SPATA6: variants seen among roughly 807,000 people sequenced by gnomAD.
SPATA6 encodes the protein spermatogenesis-associated protein 6.
In SPATA6, 56 loss-of-function variants were observed where a neutral mutation model predicts 65.3. The ratio of observed to expected loss-of-function variants is 0.86; its 90% CI spans 0.69 to 1.07. SPATA6 has a LOEUF of 1.07. Ranked by LOEUF, SPATA6 falls within the 50% of genes least tolerant of loss-of-function variation. The pLI is 0.00. For synonymous variants in SPATA6, 199 were observed against 213.2 expected (o/e 0.93, Z 0.58); for missense variants, 590 against 594.8 (o/e 0.99, Z 0.08).
chr1:48,376,547 G>C (rs1255359498), intron 9 of SPATA6, among the ~76,000 whole-genome samples: 2 of 150,284 alleles, frequency 1.3e-5, no homozygotes, highest in Non-Finnish European at 3.0e-5. Flanking sequence ...AAAAAGCCTA[G>C]AGGTATTTTT....
chr1:48,462,029 T>C (rs1274565672), intron 1 of SPATA6, among the ~76,000 whole-genome samples: 1 of 152,036 alleles, frequency 6.6e-6, no homozygotes, highest in Non-Finnish European at 1.5e-5. Flanking sequence ...AAATGATGAG[T>C]TCATGTCCTT....
rs1254149000 is a variant in SPATA6 at position 48,453,650 on chromosome 1, A to G, written c.52-519T>C. Among the ~76,000 whole-genome samples the G allele has an allele frequency of 2.6e-5, 4 of 152,204 alleles. No individual in the cohort carries two copies. The East Asian group carries it at 7.7e-4, about 29-fold the overall frequency. Reference sequence around the variant, plus strand: ...TAATAAAATGAAAGTTTCTAGCCCAATAAAGTACTTTTTACTTTAACTTAT... The same window carrying G: ...TAATAAAATGAAAGTTTCTAGCCCAGTAAAGTACTTTTTACTTTAACTTAT... On this transcript the variant is annotated intron_variant, in intron 1 of 12. Coordinates refer to ENST00000371847, the MANE Select transcript of SPATA6 (RefSeq NM_019073.4).
the SPATA6 span, among the ~76,000 whole-genome samples, chr1:48,277,453 G>A: frequency 6.6e-6 from 1 of 151,480 alleles, no homozygotes; most frequent in Non-Finnish European, 1.5e-5. Context: ...GATGGCACCT[G>A]GAAAATTGGG....
chr1:48,360,027 G>C (rs576085845), intron 9 of SPATA6, among the ~76,000 whole-genome samples: 1 of 152,084 alleles, frequency 6.6e-6, no homozygotes, highest in Non-Finnish European at 1.5e-5. Context: ...AAAGGCTTTT[G>C]AGTAGTGGTG....
Position 48,437,271 on chromosome 1 carries a change from C to T in SPATA6, c.238+14281G>A, listed in dbSNP as rs546081384. Reference sequence around the variant, plus strand: ...CTATATACTTGACACTTTCTCCTTGCTGCTTTTTCTTCTGTATTTCTAGGT... The same window carrying T: ...CTATATACTTGACACTTTCTCCTTGTTGCTTTTTCTTCTGTATTTCTAGGT... On this transcript the variant is annotated intron_variant, in intron 3 of 12. Transcript: ENST00000371847. 5.0e-6 allele frequency: 8 copies of T among 1,584,234 alleles called. No individual in the cohort carries two copies. The East Asian group carries it at 1.8e-4, about 35-fold the overall frequency.
rs952934359 is a variant in SPATA6, at chr1:48,437,280, C to A, written c.238+14272G>T. Reference sequence around the variant, plus strand: ...TGACACTTTCTCCTTGCTGCTTTTTCTTCTGTATTTCTAGGTACAAATACG... The same window carrying A: ...TGACACTTTCTCCTTGCTGCTTTTTATTCTGTATTTCTAGGTACAAATACG... On this transcript the variant is annotated intron_variant, in intron 3 of 12. Coordinates refer to ENST00000371847, the MANE Select transcript of SPATA6 (RefSeq NM_019073.4). The A allele has an allele frequency of 8.9e-6, 14 of 1,573,320 alleles. No homozygotes were observed. In the Admixed American group the frequency reaches 9.1e-5, roughly 10 times the overall value.
At chr1:48,404,519 A>G (rs1651503488) in intron 5 of SPATA6, among the ~76,000 whole-genome samples, 1 of 151,938 alleles carries the variant, frequency 6.6e-6, no homozygotes, top group Non-Finnish European at 1.5e-5. Flanking sequence ...TTTTTTCATT[A>G]TTTTGTAGAT....
Position 48,355,741 on chromosome 1 carries a change from T to C in SPATA6, c.1123A>G (p.Asn375Asp), listed in dbSNP as rs976909496. 6 of 1,613,298 alleles carry C rather than the reference T, an allele frequency of 3.7e-6. No individual in the cohort carries two copies. Among genetic ancestry groups the C allele is most frequent in the Non-Finnish European group, 5.1e-6 (6 of 1,179,498 alleles). ...RFHSDWCSPS[N>D]CDEIHDRVKN... ...ACCCGGTCATGGATCTCATCGCAGTTTGAAGGTGAACACCAATCAGAATGA... is the reference window on the plus strand; with the variant it reads ...ACCCGGTCATGGATCTCATCGCAGTCTGAAGGTGAACACCAATCAGAATGA... Residue 375 changes from asparagine (N) to aspartate (D), a missense_variant, in exon 11 of 13, where the codon AAC becomes GAC. Transcript: ENST00000371847.
rs1254412223 is a variant in SPATA6, at chr1:48,453,261, GA to G, written c.52-131del. 2.4e-5 allele frequency: 25 copies of G among 1,028,298 alleles called. No homozygotes were observed. The Admixed American group carries it at 3.2e-4, about 13-fold the overall frequency. The allele number at this position is 1,028,298 out of a possible 1,614,324, so 63.7% of individuals were successfully genotyped here. ...CTAATAAAAAATACTCACAAATAAA[GA>G]GAGAGAGACAGAGACTAGTGTTTAC... On this transcript the variant is annotated intron_variant, in intron 1 of 12. Coordinates refer to ENST00000371847, the MANE Select transcript of SPATA6 (RefSeq NM_019073.4).
At chr1:48,304,727 A>G (rs1393667368) in intron 12 of SPATA6, among the ~76,000 whole-genome samples, 4 of 152,016 alleles carry the variant, frequency 2.6e-5, no homozygotes, top group African/African-American at 7.2e-5. Context: ...GTGGAAATCT[A>G]TATTTTTTAA....
intron 11 of SPATA6, among the ~76,000 whole-genome samples, chr1:48,321,443 A>ATGAT (rs1028446022): frequency 1.3e-5 from 2 of 152,176 alleles, no homozygotes; most frequent in Non-Finnish European, 2.9e-5. Flanking sequence ...TCACTATATA[A>ATGAT]TGATAAAGCA....
At chr1:48,452,381 T>C (rs190310158) in intron 2 of SPATA6, among the ~76,000 whole-genome samples, 54 of 147,044 alleles carry the variant, frequency 3.7e-4, no homozygotes, top group Admixed American at 1.3e-3. Flanking sequence ...TAAAATATCA[T>C]ATATTCTTTT....
intron 9 of SPATA6, among the ~76,000 whole-genome samples, chr1:48,384,027 G>A (rs1649117536): frequency 6.6e-6 from 1 of 151,398 alleles, no homozygotes; most frequent in Non-Finnish European, 1.5e-5. Flanking sequence ...TCACGCCACT[G>A]CACTCCAGCC....
At chr1:48,350,550 T>A (rs1293442525) in intron 11 of SPATA6, among the ~76,000 whole-genome samples, 2 of 152,026 alleles carry the variant, frequency 1.3e-5, no homozygotes, top group East Asian at 3.9e-4. Context: ...AGTTTTACAT[T>A]GAAGATCTAT....
intron 11 of SPATA6, among the ~76,000 whole-genome samples, chr1:48,319,459 G>A (rs779780848): frequency 6.6e-6 from 1 of 152,108 alleles, no homozygotes; most frequent in Non-Finnish European, 1.5e-5. Context: ...CTGTCATGGA[G>A]AGCAATCAAA....
chr1:48,317,972 A>T (rs1285909181), intron 11 of SPATA6, among the ~76,000 whole-genome samples: 1 of 152,218 alleles, frequency 6.6e-6, no homozygotes, highest in Non-Finnish European at 1.5e-5. Context: ...ACCAACTGGG[A>T]ATTATCCAAA....
At chr1:48,327,337 C>CA (rs1164282009) in intron 11 of SPATA6, among the ~76,000 whole-genome samples, 3 of 152,164 alleles carry the variant, frequency 2.0e-5, no homozygotes, top group East Asian at 3.9e-4. Flanking sequence ...ACGAAAAAGT[C>CA]AAAAAACAGC....
chr1:48,406,960 CAGA>C (rs770578569), intron 5 of SPATA6, among the ~76,000 whole-genome samples: 1 of 152,190 alleles, frequency 6.6e-6, no homozygotes, highest in Non-Finnish European at 1.5e-5. Flanking sequence ...CAAGAATTCC[CAGA>C]AGGAGTGCGC....
chr1:48,452,759 C>T (rs1656692132), intron 2 of SPATA6, among the ~76,000 whole-genome samples: 1 of 152,104 alleles, frequency 6.6e-6, no homozygotes, highest in African/African-American at 2.4e-5. Context: ...TTCTATGTTA[C>T]ATAAAGTCCA....
Sources: allele counts gnomAD v4.1 joint callset (sites outside exome capture counted in the v4.1 genomes callset), GRCh38; gene constraint gnomAD v4.1.1; transcripts MANE v1.5; gene names NCBI Gene and HGNC (gene_info 2026-07-23, HGNC 2026-07-21).